AP1G1: variants seen among roughly 807,000 people sequenced by gnomAD.
The protein encoded by AP1G1 is adaptor related protein complex 1 subunit gamma 1.
In AP1G1, 7 loss-of-function variants were observed where a neutral mutation model predicts 108.3. The ratio of observed to expected loss-of-function variants is 0.06; its 90% CI spans 0.04 to 0.12. AP1G1 has a LOEUF of 0.12. Among genes scored for constraint, AP1G1 ranks in the 10% least tolerant of loss-of-function variants. The pLI, the probability that AP1G1 is intolerant of heterozygous loss-of-function variation, is 1.00. For synonymous variants in AP1G1, 379 were observed against 353.5 expected, an observed-to-expected ratio of 1.07 and a Z score of -0.81; for missense variants, 756 against 1,010.7, an observed-to-expected ratio of 0.75 and a Z score of 3.42.
At position 71,771,234 on chromosome 16, in the gene AP1G1, G is replaced by T; in HGVS notation, c.487C>A (p.His163Asn). 1.2e-6 allele frequency: 2 copies of T among 1,603,074 alleles called. No individual in the cohort carries two copies. Among genetic ancestry groups the T allele is most frequent in the South Asian group, 1.1e-5 (1 of 90,454 alleles). The change falls in exon 5 of 23, where the codon CAT (histidine) becomes AAT (asparagine). Residue 163 changes from histidine (H) to asparagine (N), a missense_variant. Physicochemically the swap from His to Asn is moderately conservative, Grantham distance 68. Transcript: ENST00000299980. Reference protein sequence around the residue: ...LRKKAALCAVHVIRKVPELME... With the variant: ...LRKKAALCAVNVIRKVPELME... The stretch of plus-strand genomic sequence containing the variant: ...AGTTCAGGAACTTTCCTGATGACAT[G>T]AACAGCACACAGTGCTGCCTATGAA...
intron 1 of AP1G1, among the ~76,000 whole-genome samples, chr16:71,803,495 A>T (rs1423355813): frequency 1.3e-5 from 2 of 152,202 alleles, no homozygotes; most frequent in Non-Finnish European, 2.9e-5. Flanking sequence ...ATGCTGACTC[A>T]ACACATTTGG....
intron 19 of AP1G1, among the ~76,000 whole-genome samples, chr16:71,739,808 G>A (rs1316813441): frequency 6.6e-6 from 1 of 150,448 alleles, no homozygotes; most frequent in African/African-American, 2.4e-5. Context: ...TTGCTATACA[G>A]TAATGAATGG....
chr16:71,729,218 C>G lies in AP1G1; in HGVS notation c.*3840G>C, dbSNP rs547580721. 6.6e-6 allele frequency: 1 copy of G among 152,302 alleles called. No homozygotes were observed. Among genetic ancestry groups the G allele is most frequent in the African/African-American group, 2.4e-5 (1 of 41,398 alleles). The allele number at this position is 152,302 out of a possible 1,614,324, so 9.4% of individuals were successfully genotyped here. A position where few individuals can be genotyped will look rare whatever the true frequency, so the allele number is the denominator to read the frequency against. On this transcript the variant is annotated 3_prime_UTR_variant, in exon 23 of 23. Coordinates refer to ENST00000299980, the MANE Select transcript of AP1G1 (RefSeq NM_001128.6). ...ATAATTAGAGCTTCATTAGCTGTCC[C>G]ACTTGGAAACAGCTTTTTAATATTT...
Position 71,750,303 on chromosome 16 carries a change from G to A in AP1G1, c.1314C>T (p.Val438=), listed in dbSNP as rs774946693. ...TAGSYVRDDA[V]PNLIQLITNS... ...TAGTTATTAACTGGATTAAATTGGG[G>A]ACTGCATCATCACGAACATAACTTC... The change falls in exon 14 of 23, where the codon GTC becomes GTT. Residue 438 remains valine (V), a synonymous_variant. Transcript: ENST00000299980. 9.3e-6 allele frequency: 15 copies of A among 1,613,924 alleles called. No individual in the cohort carries two copies. The Admixed American group carries it at 2.3e-4, about 25-fold the overall frequency.
intron 3 of AP1G1, 39 bp from the exon 4 acceptor site, chr16:71,773,401 C>T (rs764578178): frequency 3.5e-5 from 52 of 1,465,268 alleles, no homozygotes; most frequent in Admixed American, 2.6e-4. Context: ...AAGCCTGGTG[C>T]TCCCCAAGAA....
At chr16:71,775,019 C>CTTTTTTTT (rs748508767) in intron 2 of AP1G1, among the ~76,000 whole-genome samples, 3 of 69,724 alleles carry the variant, frequency 4.3e-5, no homozygotes, top group Non-Finnish European at 5.1e-5. Context: ...CCGCGCCTGG[C>CTTTTTTTT]TTTTTTTTTT....
Position 71,732,757 on chromosome 16 carries a change from G to A in AP1G1, c.*301C>T. 1 of 274,700 alleles carries A rather than the reference G, an allele frequency of 3.6e-6. No individual in the cohort carries two copies. The highest frequency in any genetic ancestry group is 4.9e-5 in the Admixed American group (1 of 20,202). 17.0% of individuals were successfully genotyped at this position (274,700 alleles called of 1,614,324 possible). A position where few individuals can be genotyped will look rare whatever the true frequency, so the allele number is the denominator to read the frequency against. Reference sequence around the variant, plus strand: ...TCCAGACCAGCTGCTTATTTCCTCAGGGGCCCAGGGAATGTTGATTCTGGC... The same window carrying A: ...TCCAGACCAGCTGCTTATTTCCTCAAGGGCCCAGGGAATGTTGATTCTGGC... On this transcript the variant is annotated 3_prime_UTR_variant, in exon 23 of 23. Coordinates refer to ENST00000299980, the MANE Select transcript of AP1G1 (RefSeq NM_001128.6).
At position 71,771,267 on chromosome 16, in the gene AP1G1, A is replaced by AG; in HGVS notation, c.469-16_469-15insC. 1 of 1,469,342 alleles carries AG rather than the reference A, an allele frequency of 6.8e-7. No homozygotes were observed. The highest frequency in any genetic ancestry group is 9.1e-7 in the Non-Finnish European group (1 of 1,093,546). The allele number at this position is 1,469,342 out of a possible 1,614,324, so 91.0% of individuals were successfully genotyped here. On this transcript the variant is annotated splice_polypyrimidine_tract_variant and intron_variant, in intron 4 of 22. Coordinates refer to ENST00000299980, the MANE Select transcript of AP1G1 (RefSeq NM_001128.6). ...CACAGTGCTGCCTATGAAAAAAAAA[A>AG]TAAAAGAACAAAAGGTTTATTTCAA...
intron 11 of AP1G1, among the ~76,000 whole-genome samples, chr16:71,757,498 T>C (rs970472463): frequency 6.6e-6 from 1 of 152,016 alleles, no homozygotes; most frequent in African/African-American, 2.4e-5. Context: ...TTAGCTAACA[T>C]GTAAGTAGCA....
chr16:71,757,898 T>G (rs1252838366), intron 11 of AP1G1, among the ~76,000 whole-genome samples: 4 of 152,226 alleles, frequency 2.6e-5, no homozygotes, highest in Admixed American at 6.5e-5. Context: ...TTGATCCCCA[T>G]GGGACTGAAT....
intron 10 of AP1G1, among the ~76,000 whole-genome samples, chr16:71,760,060 G>C (rs924997333): frequency 1.1e-4 from 16 of 151,790 alleles, no homozygotes; most frequent in African/African-American, 3.9e-4. Context: ...ATAGAGATGG[G>C]GTCCCCCACT....
chr16:71,800,615 C>T (rs996105948), intron 1 of AP1G1, among the ~76,000 whole-genome samples: 4 of 150,698 alleles, frequency 2.7e-5, no homozygotes, highest in South Asian at 2.1e-4. Context: ...TCCTGGCTAA[C>T]ATGGTGAAAC....
At chr16:71,787,514 A>C in intron 2 of AP1G1, among the ~76,000 whole-genome samples, 1 of 152,172 alleles carries the variant, frequency 6.6e-6, no homozygotes, top group South Asian at 2.1e-4. Flanking sequence ...ATGCTCTTAA[A>C]GAACTTCCTT....
At position 71,771,132 on chromosome 16, in the gene AP1G1, A is replaced by G. The variant is rs1176331177; in HGVS notation, c.565+24T>C. 5 of 1,430,148 alleles carry G rather than the reference A, an allele frequency of 3.5e-6. No homozygotes were observed. The East Asian group carries it at 9.1e-5, about 26-fold the overall frequency. The allele number at this position is 1,430,148 out of a possible 1,614,324, so 88.6% of individuals were successfully genotyped here. ...CTTTCCCTTTCTCCCTCAATACTTC[A>G]TGAATACATCCAAATTACATTACCA... On this transcript the variant is annotated intron_variant, in intron 5 of 22. Transcript: ENST00000299980.
intron 1 of AP1G1, among the ~76,000 whole-genome samples, chr16:71,796,436 C>T (rs1020308001): frequency 3.3e-5 from 5 of 152,066 alleles, no homozygotes; most frequent in Non-Finnish European, 7.4e-5. Context: ...CTTCCTTAAG[C>T]GCCTCAACTC....
At chr16:71,799,922 TAATAAA>T (rs1022722064) in intron 1 of AP1G1, among the ~76,000 whole-genome samples, 6 of 147,122 alleles carry the variant, frequency 4.1e-5, no homozygotes, top group African/African-American at 1.3e-4. Context: ...ATAATAATAA[TAATAAA>T]AAATTATATT....
intron 1 of AP1G1, among the ~76,000 whole-genome samples, chr16:71,793,312 TAGAG>T (rs1173551866): frequency 2.6e-5 from 4 of 152,070 alleles, no homozygotes; most frequent in Non-Finnish European, 5.9e-5. Flanking sequence ...GCAGCCAATA[TAGAG>T]AGTGACACAT....
intron 2 of AP1G1, among the ~76,000 whole-genome samples, chr16:71,777,118 AAAAAAAAAAAAAAAAACTATACCAAAAAG>A (rs1337505801): frequency 6.0e-5 from 9 of 148,802 alleles, no homozygotes; most frequent in Admixed American, 6.0e-4. Flanking sequence ...AAAAAAAAAA[AAAAAAAAAAAAAAAAACTATACCAAAAAG>A]GGAGGGGAGG....
chr16:71,779,995 G>GTTTTTTTTTT (rs573581952), intron 2 of AP1G1, among the ~76,000 whole-genome samples: 2 of 129,620 alleles, frequency 1.5e-5, no homozygotes, highest in African/African-American at 2.8e-5. Context: ...GTTTTTTTTT[G>GTTTTTTTTTT]TTTTTTTTTT....
Sources: allele counts gnomAD v4.1 joint callset (sites outside exome capture counted in the v4.1 genomes callset), GRCh38; gene constraint gnomAD v4.1.1; transcripts MANE v1.5; gene names NCBI Gene and HGNC (gene_info 2026-07-23, HGNC 2026-07-21).